PCDH19: variants seen among roughly 807,000 people sequenced by gnomAD.
PCDH19 encodes protocadherin-19.
Under a neutral mutation model 46.2 loss-of-function variants are expected in PCDH19, and 6 were observed. That is an observed-to-expected ratio of 0.13 (90% confidence interval 0.07 to 0.26). The LOEUF (loss-of-function observed/expected upper bound fraction) is 0.26. Ranked by LOEUF, PCDH19 falls within the 10% of genes least tolerant of loss-of-function variation. The pLI, the probability that PCDH19 is intolerant of heterozygous loss-of-function variation, is 1.00. For synonymous variants in PCDH19, 481 were observed against 415.7 expected (o/e 1.16, Z -1.91); for missense variants, 740 against 972.3 (o/e 0.76, Z 3.18).
At chrX:100,403,466 C>A in intron 2 of PCDH19, 58 bp downstream of exon 2, 1 of 1,167,413 alleles carries the variant, frequency 8.6e-7, no homozygotes, top group Admixed American at 2.2e-5. Flanking sequence ...CGACCCCCTC[C>A]TCTCCTAGAA....
chrX:100,379,763 C>CAAGA (rs770333149), intron 3 of PCDH19, among the ~76,000 whole-genome samples: 1 of 111,889 alleles, frequency 8.9e-6, no homozygotes, highest in Non-Finnish European at 1.9e-5. Flanking sequence ...CAAGAGTAGC[C>CAAGA]AAGAAAGAAT....
chrX:100,335,811 G>A (rs1290483208), intron 5 of PCDH19, among the ~76,000 whole-genome samples: 2 of 111,594 alleles, frequency 1.8e-5, no homozygotes, highest in African/African-American at 6.5e-5. Context: ...ATCTGTTCAT[G>A]GTTTATTCCT....
In PCDH19 at chrX:100,347,602, T is replaced by C. The variant is rs192231022; in HGVS notation, c.2675+3044A>G. Among the ~76,000 whole-genome samples the C allele has an allele frequency of 8.1e-4, 90 of 111,763 alleles. 1 individual carries two copies. The highest frequency in any genetic ancestry group is 2.9e-3 in the African/African-American group (88 of 30,801). On this transcript the variant is annotated intron_variant, in intron 4 of 5. Transcript: ENST00000373034. Reference sequence around the variant, plus strand: ...AGAACCAGAGGTGGACAGTGGTAGCTGCTGTTCAACTACTCAAGGTAGATA... The same window carrying C: ...AGAACCAGAGGTGGACAGTGGTAGCCGCTGTTCAACTACTCAAGGTAGATA...
chrX:100,336,340 G>T (rs1404057555), intron 5 of PCDH19, among the ~76,000 whole-genome samples: 1 of 112,156 alleles, frequency 8.9e-6, no homozygotes, highest in African/African-American at 3.2e-5. Flanking sequence ...TTCTTTAAAT[G>T]GCTAGAGGAA....
rs1278838206 is a variant in PCDH19 at position 100,296,654 on chromosome X, C to T, written c.3070G>A (p.Asp1024Asn). Residue 1024 changes from aspartate to asparagine, a missense_variant, in exon 6 of 6, where the codon GAC becomes AAC. Physicochemically the swap from Asp to Asn is conservative, Grantham distance 23. Transcript: ENST00000373034. ...TFATFGKDVS[D>N]HPAEERPTLK... ...GTAGGCCTCTCCTCAGCCGGGTGGT[C>T]GCTGACATCTTTCCCAAAGGTTGCG... The T allele has an allele frequency of 4.1e-6, 5 of 1,209,205 alleles. No homozygotes were observed. In the East Asian group the frequency reaches 1.5e-4, roughly 36 times the overall value.
intron 3 of PCDH19, among the ~76,000 whole-genome samples, chrX:100,357,915 G>A (rs1926766793): frequency 8.9e-6 from 1 of 111,816 alleles, no homozygotes; most frequent in Admixed American, 9.5e-5. Flanking sequence ...GAGATGGAAG[G>A]GATTAAGAAT....
chrX:100,321,328 C>A (rs912597831), intron 5 of PCDH19, among the ~76,000 whole-genome samples: 4 of 111,955 alleles, frequency 3.6e-5, no homozygotes, highest in Non-Finnish European at 7.5e-5. Flanking sequence ...ACCTTTAGAT[C>A]TTTAAGGAAT....
intron 3 of PCDH19, among the ~76,000 whole-genome samples, chrX:100,366,257 G>A (rs954786209): frequency 2.7e-5 from 3 of 111,779 alleles, no homozygotes; most frequent in Admixed American, 9.5e-5. Flanking sequence ...TTGTTTGATC[G>A]TAGTGAAATT....
At chrX:100,343,358 A>C (rs891315093) in intron 4 of PCDH19, among the ~76,000 whole-genome samples, 1 of 112,229 alleles carries the variant, frequency 8.9e-6, no homozygotes, top group Non-Finnish European at 1.9e-5. Flanking sequence ...TTCTCTGCAG[A>C]ACCCTGACTA....
intron 5 of PCDH19, among the ~76,000 whole-genome samples, chrX:100,339,072 G>A (rs903080113): frequency 8.9e-6 from 1 of 112,076 alleles, no homozygotes; most frequent in Non-Finnish European, 1.9e-5. Context: ...TGTAAGGTAC[G>A]CTCTTGTTGG....
intron 5 of PCDH19, among the ~76,000 whole-genome samples, chrX:100,334,634 C>T (rs1193548089): frequency 9.0e-6 from 1 of 110,706 alleles, no homozygotes; most frequent in East Asian, 2.8e-4. Flanking sequence ...GAAATTCAAG[C>T]CCCATGATAC....
intron 5 of PCDH19, among the ~76,000 whole-genome samples, chrX:100,314,131 C>T (rs1165742398): frequency 9.0e-6 from 1 of 111,481 alleles, no homozygotes; most frequent in South Asian, 3.8e-4. Context: ...TCATGAGTAA[C>T]GATTTTACGG....
rs757623932 is a variant in PCDH19 at position 100,406,384 on chromosome X, T to A, written c.2147+67A>T. ...AAGTAGGAAACAAAAGCACCAGGATTTTCACACAGAGACACAGATAAACAC... is the reference window on the plus strand; with the variant it reads ...AAGTAGGAAACAAAAGCACCAGGATATTCACACAGAGACACAGATAAACAC... On this transcript the variant is annotated intron_variant, in intron 1 of 5. Coordinates refer to ENST00000373034, the MANE Select transcript of PCDH19 (RefSeq NM_001184880.2). 241 of 894,599 alleles carry A rather than the reference T, an allele frequency of 2.7e-4. No homozygotes were observed. In the African/African-American group the frequency reaches 4.1e-3, roughly 15 times the overall value. The allele number at this position is 894,599 out of a possible 1,213,427, so 73.7% of individuals were successfully genotyped here. A position where few individuals can be genotyped will look rare whatever the true frequency, so the allele number is the denominator to read the frequency against.
chrX:100,402,937 G>T, intron 2 of PCDH19, 86 bp from the exon 3 acceptor site: 2 of 705,856 alleles, frequency 2.8e-6, no homozygotes, highest in Non-Finnish European at 4.4e-6. Context: ...CCAGAGGGTT[G>T]CACCCCATCT....
intron 3 of PCDH19, among the ~76,000 whole-genome samples, chrX:100,395,233 T>TA (rs1475110867): frequency 8.9e-6 from 1 of 112,278 alleles, no homozygotes; most frequent in Admixed American, 9.4e-5. Flanking sequence ...AATCCAGACT[T>TA]ACAAAAGAAA....
At chrX:100,324,232 T>C (rs1218713309) in intron 5 of PCDH19, among the ~76,000 whole-genome samples, 2 of 112,211 alleles carry the variant, frequency 1.8e-5, no homozygotes, top group Non-Finnish European at 3.8e-5. Context: ...GCCCCTCACT[T>C]GGTAGACCTT....
rs747760787 is a variant in PCDH19, at chrX:100,342,090, G to A, written c.2676-15C>T. ...AGGTGGAGCTGCTGGGTTGAAGACA[G>A]AATGATAATTTACGACCGTGACAGA... On this transcript the variant is annotated splice_polypyrimidine_tract_variant and intron_variant, in intron 4 of 5. Coordinates refer to ENST00000373034, the MANE Select transcript of PCDH19 (RefSeq NM_001184880.2). The A allele has an allele frequency of 2.5e-6, 3 of 1,195,966 alleles. No individual in the cohort carries two copies. Among genetic ancestry groups the A allele is most frequent in the Admixed American group, 2.2e-5 (1 of 45,763 alleles).
Position 100,309,782 on chromosome X carries a change from A to G in PCDH19, c.2849-12907T>C, listed in dbSNP as rs1486306148. 2.7e-5 allele frequency among the ~76,000 whole-genome samples: 3 copies of G among 112,059 alleles called. 1 individual carries two copies. Among genetic ancestry groups the G allele is most frequent in the Non-Finnish European group, 5.6e-5 (3 of 53,140 alleles). ...GTTGCCAAAAGACAAGACAGAAGAA[A>G]AAAGGCCAGCCCTGGTTAGCATAAC... On this transcript the variant is annotated intron_variant, in intron 5 of 5. Transcript: ENST00000373034.
Position 100,408,196 on chromosome X carries a change from G to T in PCDH19, c.402C>A (p.Ile134=), listed in dbSNP as rs41300169. 0.079 allele frequency: 96,126 copies of T among 1,210,548 alleles called. 4,215 individuals carry two copies. Among genetic ancestry groups the T allele is most frequent in the East Asian group, 0.27 (9,010 of 33,688 alleles). ...TGGCTGCCTCCGAGATCTCCAGCTC[G>T]ATCTGTGCTGCCGGGAAACTGGGCG... The part of the protein sequence containing the change: ...DNAPSFPAAQ[I]ELEISEAASP... Residue 134 remains isoleucine (I), a synonymous_variant, in exon 1 of 6, where the codon ATC becomes ATA. Transcript: ENST00000373034.
Sources: gnomAD v4.1 joint callset for allele counts (sites outside exome capture counted in the v4.1 genomes callset) on GRCh38, gnomAD v4.1.1 for gene constraint, MANE v1.5 for transcripts, NCBI Gene and HGNC (gene_info 2026-07-23, HGNC 2026-07-21) for gene names.